Variants in SUPT6H observed in about 807,000 individuals in gnomAD.
The protein encoded by SUPT6H is transcription elongation factor SPT6.
Under a neutral mutation model 222.3 loss-of-function variants are expected in SUPT6H, and 11 were observed. The observed-to-expected ratio is 0.05, with a 90% CI of 0.03 to 0.08. The LOEUF is 0.08. Ranked by LOEUF, SUPT6H falls within the 10% of genes least tolerant of loss-of-function variation. The probability of loss-of-function intolerance (pLI) is 1.00; values close to 1 mark genes in which losing one functional copy is unlikely to be tolerated. For missense variants in SUPT6H, 1,422 were observed against 2,216.0 expected (o/e 0.64, Z 7.19); for synonymous variants, 762 against 801.2 (o/e 0.95, Z 0.83).
At position 28,687,391 on chromosome 17, in the gene SUPT6H, G is replaced by A. The variant is rs754939540; in HGVS notation, c.2926G>A (p.Ala976Thr). Reference sequence around the variant, plus strand: ...TGAGGTCGGGGTCGATGTCAACCGTGCCATTGCCCACCCTTACAGCCAGGC... The same window carrying A: ...TGAGGTCGGGGTCGATGTCAACCGTACCATTGCCCACCCTTACAGCCAGGC... ...VNEVGVDVNR[A>T]IAHPYSQALI... is the part of the protein sequence containing the mutation. The change falls in exon 23 of 37, where the codon GCC (alanine) becomes ACC (threonine). Residue 976 changes from alanine (A) to threonine (T), a missense_variant. By Grantham distance (58) the Ala-to-Thr change is moderately conservative. Transcript: ENST00000314616. 20 of 1,614,058 alleles carry A rather than the reference G, an allele frequency of 1.2e-5. No homozygotes were observed. Among genetic ancestry groups the A allele is most frequent in the Non-Finnish European group, 1.7e-5 (20 of 1,180,048 alleles).
intron 1 of SUPT6H, among the ~76,000 whole-genome samples, chr17:28,669,402 G>A (rs925677590): frequency 7.9e-5 from 12 of 152,164 alleles, no homozygotes; most frequent in Non-Finnish European, 1.6e-4. Context: ...TGTTGGCCAG[G>A]CTGGTCTCAA....
chr17:28,695,241 C>T, intron 28 of SUPT6H, 111 bp from the exon 29 acceptor site: 1 of 1,172,320 alleles, frequency 8.5e-7, no homozygotes, highest in Non-Finnish European at 1.2e-6. Flanking sequence ...TTGGGCAAGT[C>T]ACTTTACACC....
intron 29 of SUPT6H, among the ~76,000 whole-genome samples, chr17:28,695,878 T>C (rs923742107): frequency 3.3e-5 from 5 of 152,066 alleles, no homozygotes; most frequent in African/African-American, 9.7e-5. Context: ...GGGTCAGAAA[T>C]TAAGCCCAAA....
At chr17:28,686,492 C>T in intron 20 of SUPT6H, 77 bp downstream of exon 20, 2 of 1,558,048 alleles carry the variant, frequency 1.3e-6, no homozygotes, top group South Asian at 2.3e-5. Context: ...GGCATATGCC[C>T]ATAACAGATG....
chr17:28,693,071 A>G (rs1352458353), intron 27 of SUPT6H, among the ~76,000 whole-genome samples: 1 of 151,822 alleles, frequency 6.6e-6, no homozygotes, highest in Non-Finnish European at 1.5e-5. Context: ...TCGAGAGGCC[A>G]AGGTGGAAGG....
chr17:28,701,110 A>T lies in SUPT6H; in HGVS notation c.4976A>T (p.Gln1659Leu). The stretch of plus-strand genomic sequence containing the variant: ...CCCCAGCCCTCTTCCAGCTCCCGGC[A>T]ACGGCAGCAGCAGCCAAAGTAAGTA... ...AQPQPSSSSR[Q>L]RQQQPKSNSH... The change falls in exon 36 of 37, where the codon CAA becomes CTA. Residue 1659 changes from glutamine (Q) to leucine (L), a missense_variant. Physicochemically the swap from Gln to Leu is moderately radical, Grantham distance 113 (BLOSUM62 -2). Transcript: ENST00000314616. 6.2e-7 allele frequency: 1 copy of T among 1,610,934 alleles called. No homozygotes were observed. The highest frequency in any genetic ancestry group is 8.5e-7 in the Non-Finnish European group (1 of 1,179,226).
chr17:28,681,260 A>G lies in SUPT6H; in HGVS notation c.1354A>G (p.Lys452Glu), dbSNP rs760941921. 4.3e-6 allele frequency: 7 copies of G among 1,613,806 alleles called. No individual in the cohort carries two copies. The change falls in exon 12 of 37, where the codon AAG becomes GAG. Residue 452 changes from lysine to glutamate, a missense_variant. Physicochemically the swap from Lys to Glu is moderately conservative, Grantham distance 56. Transcript: ENST00000314616. Reference sequence around the variant, plus strand: ...CTTATGTCTCTTCTTTTTCAGGCTCAAGGATGTCCAATCAATGGATGAGCT... The same window carrying G: ...CTTATGTCTCTTCTTTTTCAGGCTCGAGGATGTCCAATCAATGGATGAGCT... ...ALDTTDMERL[K>E]DVQSMDELKD...
In SUPT6H at chr17:28,684,840, G is replaced by A; in HGVS notation, c.2370-4G>A. 1 of 1,613,998 alleles carries A rather than the reference G, an allele frequency of 6.2e-7. No individual in the cohort carries two copies. The highest frequency in any genetic ancestry group is 8.5e-7 in the Non-Finnish European group (1 of 1,179,970). ...GCATTCTTGTTTTTCTGTCTGTCTG[G>A]CAGAGATCACCCTGTGTTCTGCGCC... On this transcript the variant is annotated splice_polypyrimidine_tract_variant and splice_region_variant and intron_variant, in intron 18 of 36. Transcript: ENST00000314616.
rs763929453 is a variant in SUPT6H, at chr17:28,701,840, G to A, written c.*215G>A. ...AATTCTCCCGCTCCAGACCCTCACC[G>A]ACCACCTGTCCTGGGACCAGGCTGG... On this transcript the variant is annotated 3_prime_UTR_variant, in exon 37 of 37. Transcript: ENST00000314616. 19 of 551,622 alleles carry A rather than the reference G, an allele frequency of 3.4e-5. No homozygotes were observed. The highest frequency in any genetic ancestry group is 4.1e-5 in the Non-Finnish European group (13 of 313,724). 34.2% of individuals were successfully genotyped at this position (551,622 alleles called of 1,614,324 possible). A position where few individuals can be genotyped will look rare whatever the true frequency, so the allele number is the denominator to read the frequency against.
rs1349349297 is a variant in SUPT6H, at chr17:28,676,446, C to T, written c.897+16C>T. 3.1e-6 allele frequency: 5 copies of T among 1,612,854 alleles called. No homozygotes were observed. The African/African-American group carries it at 6.7e-5, about 22-fold the overall frequency. Reference sequence around the variant, plus strand: ...GAGGTTCCAGGTAAAAAACCACCAGCCTCTGCTCTTCTACCAATCCATAAT... The same window carrying T: ...GAGGTTCCAGGTAAAAAACCACCAGTCTCTGCTCTTCTACCAATCCATAAT... On this transcript the variant is annotated intron_variant, in intron 7 of 36. Transcript: ENST00000314616.
At position 28,701,983 on chromosome 17, in the gene SUPT6H, G is replaced by A. The variant is rs893556715; in HGVS notation, c.*358G>A. 14 of 205,074 alleles carry A rather than the reference G, an allele frequency of 6.8e-5. No individual in the cohort carries two copies. The highest frequency in any genetic ancestry group is 1.4e-4 in the South Asian group (1 of 6,900). The allele number at this position is 205,074 out of a possible 1,614,324, so 12.7% of individuals were successfully genotyped here. On this transcript the variant is annotated 3_prime_UTR_variant, in exon 37 of 37. Coordinates refer to ENST00000314616, the MANE Select transcript of SUPT6H (RefSeq NM_003170.5). ...CCTCACCGGACTCTGGGCTGTGACTGGGGCACCAAACTCAGCACATGAGTC... is the reference window on the plus strand; with the variant it reads ...CCTCACCGGACTCTGGGCTGTGACTAGGGCACCAAACTCAGCACATGAGTC...
chr17:28,686,834 A>G (rs1204862630), intron 21 of SUPT6H, 45 bp downstream of exon 21: 13 of 1,548,998 alleles, frequency 8.4e-6, no homozygotes, highest in South Asian at 3.8e-5. Context: ...GGCAAGTGCT[A>G]TTAATCCCAA....
intron 1 of SUPT6H, among the ~76,000 whole-genome samples, chr17:28,663,479 T>A (rs1308907869): frequency 6.6e-6 from 1 of 152,216 alleles, no homozygotes; most frequent in African/African-American, 2.4e-5. Flanking sequence ...GTTCTTCCTC[T>A]GAAAGCCTAC....
chr17:28,696,122 A>G (rs1164320604), intron 29 of SUPT6H, among the ~76,000 whole-genome samples: 1 of 152,032 alleles, frequency 6.6e-6, no homozygotes, highest in Non-Finnish European at 1.5e-5. Flanking sequence ...CCTGGTCAAA[A>G]TGGTGAACCC....
rs1213641591 is a variant in SUPT6H at position 28,700,827 on chromosome 17, G to A, written c.4807-114G>A. The A allele has an allele frequency of 3.1e-6, 4 of 1,307,214 alleles. No homozygotes were observed. In the East Asian group the frequency reaches 7.0e-5, roughly 23 times the overall value. 81.0% of individuals were successfully genotyped at this position (1,307,214 alleles called of 1,614,324 possible). The stretch of plus-strand genomic sequence containing the variant: ...ACTGCTGGTCAGAAGCACATACTCA[G>A]TGGAAGATCATCTGGAAAGCTTTGC... On this transcript the variant is annotated intron_variant, in intron 35 of 36. Coordinates refer to ENST00000314616, the MANE Select transcript of SUPT6H (RefSeq NM_003170.5).
rs758852600 is a variant in SUPT6H, at chr17:28,684,970, C to T, written c.2487+9C>T. ...AAGAGCGGGAAAAGAAGGCAAGTGG[C>T]TAGGACGAGGATACTAAGTGTACAT... On this transcript the variant is annotated intron_variant, in intron 19 of 36. Coordinates refer to ENST00000314616, the MANE Select transcript of SUPT6H (RefSeq NM_003170.5). 1.9e-6 allele frequency: 3 copies of T among 1,610,428 alleles called. No homozygotes were observed. Among genetic ancestry groups the T allele is most frequent in the Non-Finnish European group, 2.5e-6 (3 of 1,177,394 alleles).
In SUPT6H at chr17:28,701,014, G is replaced by C; in HGVS notation, c.4880G>C (p.Ser1627Thr). ...CCTAGCTACTCCTACACGACCCCAAGCCAGCCCATCACCACCCCTCAGTAC... is the reference window on the plus strand; with the variant it reads ...CCTAGCTACTCCTACACGACCCCAACCCAGCCCATCACCACCCCTCAGTAC... ...MTPSYSYTTP[S>T]QPITTPQYHQ... Residue 1627 changes from serine to threonine, a missense_variant, in exon 36 of 37, where the codon AGC (serine) becomes ACC (threonine). Transcript: ENST00000314616. The C allele has an allele frequency of 6.2e-7, 1 of 1,614,106 alleles. No individual in the cohort carries two copies. Among genetic ancestry groups the C allele is most frequent in the East Asian group, 2.2e-5 (1 of 44,890 alleles).
intron 19 of SUPT6H, among the ~76,000 whole-genome samples, chr17:28,685,937 G>A (rs2031357478): frequency 6.6e-6 from 1 of 152,212 alleles, no homozygotes; most frequent in Non-Finnish European, 1.5e-5. Context: ...ACATCTTTAA[G>A]ATGAAGGAAA....
At chr17:28,700,591 C>T in intron 35 of SUPT6H, 79 bp downstream of exon 35, 1 of 1,526,074 alleles carries the variant, frequency 6.6e-7, no homozygotes, top group Non-Finnish European at 8.9e-7. Flanking sequence ...CAAGGGGCTT[C>T]ACATGCACAG....
Sources: gnomAD v4.1 joint callset for allele counts (sites outside exome capture counted in the v4.1 genomes callset) on GRCh38, gnomAD v4.1.1 for gene constraint, MANE v1.5 for transcripts, NCBI Gene and HGNC (gene_info 2026-07-23, HGNC 2026-07-21) for gene names.